PTPRK: variants seen among roughly 807,000 people sequenced by gnomAD.
PTPRK encodes protein tyrosine phosphatase receptor type K.
A neutral mutation model predicts 178.0 loss-of-function variants in PTPRK; 75 were observed. The observed-to-expected ratio is 0.42, with a 90% CI of 0.35 to 0.51. The LOEUF (loss-of-function observed/expected upper bound fraction) is 0.51, where lower values mean the gene tolerates loss of function less well. PTPRK is among the 20% of genes least tolerant of loss of function. The pLI is 0.02. For synonymous variants in PTPRK, 637 were observed against 620.6 expected, an observed-to-expected ratio of 1.03 and a Z score of -0.39; for missense variants, 1,441 against 1,797.8, an observed-to-expected ratio of 0.80 and a Z score of 3.59.
chr6:128,169,092 C>A (rs1411754020), intron 7 of PTPRK, among the ~76,000 whole-genome samples: 2 of 151,982 alleles, frequency 1.3e-5, no homozygotes, highest in Non-Finnish European at 2.9e-5. Context: ...ACAGGCTATA[C>A]ATTTGCAGTC....
chr6:128,351,200 T>C (rs1343279447), intron 2 of PTPRK, among the ~76,000 whole-genome samples: 3 of 152,278 alleles, frequency 2.0e-5, no homozygotes, highest in African/African-American at 7.2e-5. Context: ...AAATAAAAGG[T>C]GGCATTACTG....
chr6:127,987,667 C>T (rs1383890190), intron 21 of PTPRK, among the ~76,000 whole-genome samples: 3 of 152,102 alleles, frequency 2.0e-5, no homozygotes, highest in African/African-American at 7.2e-5. Context: ...TTTGTCTTTT[C>T]TAGTAGTTAC....
rs73582626 is a variant in PTPRK, at chr6:128,015,574, C to T, written c.2195-6306G>A. On this transcript the variant is annotated intron_variant, in intron 13 of 29. Coordinates refer to ENST00000368226, the MANE Select transcript of PTPRK (RefSeq NM_002844.4). ...GGATGAGTTTTCTAAAAGGTAAATGCGAAGAAATGACTTCACTGCTTTACA... is the reference window on the plus strand; with the variant it reads ...GGATGAGTTTTCTAAAAGGTAAATGTGAAGAAATGACTTCACTGCTTTACA... Among the ~76,000 whole-genome samples, 1,260 of 151,710 alleles carry T rather than the reference C, an allele frequency of 8.3e-3. 6 individuals carry two copies. Among genetic ancestry groups the T allele is most frequent in the Middle Eastern group, 0.014 (4 of 294 alleles).
chr6:128,268,437 T>C (rs938913722), intron 3 of PTPRK, among the ~76,000 whole-genome samples: 2 of 151,994 alleles, frequency 1.3e-5, no homozygotes, highest in African/African-American at 4.8e-5. Context: ...GAGAGAACCA[T>C]TAATTAAACT....
intron 13 of PTPRK, among the ~76,000 whole-genome samples, chr6:128,054,634 T>C (rs114632138): frequency 1.7e-3 from 256 of 151,850 alleles, no homozygotes; most frequent in African/African-American, 5.9e-3. Context: ...GACACAAGCA[T>C]TGCTCACTAC....
intron 6 of PTPRK, among the ~76,000 whole-genome samples, chr6:128,211,514 G>C (rs1808163049): frequency 6.6e-6 from 1 of 152,044 alleles, no homozygotes; most frequent in Admixed American, 6.6e-5. Context: ...AGCCGGTTTT[G>C]ATCGACACAT....
At chr6:127,984,091 T>C (rs997414856) in intron 22 of PTPRK, among the ~76,000 whole-genome samples, 4 of 152,206 alleles carry the variant, frequency 2.6e-5, no homozygotes, top group African/African-American at 7.2e-5. Context: ...AAAATACTTT[T>C]AAAAAATTAT....
intron 13 of PTPRK, among the ~76,000 whole-genome samples, chr6:128,048,255 G>A (rs1481509097): frequency 6.6e-6 from 1 of 152,154 alleles, no homozygotes. Context: ...CAGGCCCAGT[G>A]ATTTAGAAAC....
intron 2 of PTPRK, among the ~76,000 whole-genome samples, chr6:128,339,262 C>A (rs1831348304): frequency 6.6e-6 from 1 of 152,078 alleles, no homozygotes; most frequent in East Asian, 1.9e-4. Context: ...TATGTTATTT[C>A]AATAGTGATT....
chr6:128,200,594 T>C (rs1805718909), intron 6 of PTPRK, among the ~76,000 whole-genome samples: 2 of 151,162 alleles, frequency 1.3e-5, no homozygotes, highest in African/African-American at 4.9e-5. Flanking sequence ...AAATAGCCAG[T>C]GTGGTGGTGC....
At chr6:128,054,079 A>C (rs986561110) in intron 13 of PTPRK, among the ~76,000 whole-genome samples, 1 of 152,194 alleles carries the variant, frequency 6.6e-6, no homozygotes, top group Admixed American at 6.5e-5. Context: ...TTGCCTTTAC[A>C]ATGCAGTTTG....
Position 128,425,869 on chromosome 6 carries a change from C to CA in PTPRK, c.101-28182dup, listed in dbSNP as rs1844070279. Among the ~76,000 whole-genome samples, 3 of 152,082 alleles carry CA rather than the reference C, an allele frequency of 2.0e-5. No homozygotes were observed. In the South Asian group the frequency reaches 6.2e-4, roughly 32 times the overall value. ...GCTTACATTTCCCAATAAGCATCGG[C>CA]AAAAAATTGTTTCATAGCATTTCTA... On this transcript the variant is annotated intron_variant, in intron 1 of 29. Coordinates refer to ENST00000368226, the MANE Select transcript of PTPRK (RefSeq NM_002844.4).
chr6:127,974,048 T>G (rs1400799961), intron 27 of PTPRK, among the ~76,000 whole-genome samples: 1 of 152,204 alleles, frequency 6.6e-6, no homozygotes, highest in African/African-American at 2.4e-5. Flanking sequence ...GCACTATGTA[T>G]CCAGTAATTC....
At chr6:128,382,468 T>C (rs976578749) in intron 2 of PTPRK, among the ~76,000 whole-genome samples, 116 of 149,246 alleles carry the variant, frequency 7.8e-4, no homozygotes, top group African/African-American at 2.8e-3. Flanking sequence ...AGTGCAGTGG[T>C]GTGATCTCGG....
intron 6 of PTPRK, among the ~76,000 whole-genome samples, chr6:128,194,170 C>T (rs1376190462): frequency 6.6e-6 from 1 of 151,144 alleles, no homozygotes; most frequent in African/African-American, 2.4e-5. Flanking sequence ...ACTGCAAGCT[C>T]CACCTCCTGG....
chr6:128,077,710 C>A (rs999456840), intron 11 of PTPRK, among the ~76,000 whole-genome samples: 1 of 151,970 alleles, frequency 6.6e-6, no homozygotes, highest in African/African-American at 2.4e-5. Flanking sequence ...AAAATGTCCA[C>A]AAAATCACGT....
chr6:128,495,811 T>A (rs1854574517), intron 1 of PTPRK, among the ~76,000 whole-genome samples: 1 of 152,190 alleles, frequency 6.6e-6, no homozygotes, highest in Non-Finnish European at 1.5e-5. Flanking sequence ...CTCACCAGAC[T>A]CTCCTTCACG....
chr6:128,382,544 A>G (rs1838094335), intron 2 of PTPRK, among the ~76,000 whole-genome samples: 1 of 151,490 alleles, frequency 6.6e-6, no homozygotes, highest in African/African-American at 2.4e-5. Flanking sequence ...AGTAGCTGGG[A>G]TTACAGGCAC....
intron 1 of PTPRK, among the ~76,000 whole-genome samples, chr6:128,466,017 G>A (rs112526050): frequency 6.6e-5 from 10 of 152,248 alleles, no homozygotes; most frequent in Admixed American, 3.9e-4. Context: ...TAAACCCCAA[G>A]TGTGGACCCT....
Sources: allele counts gnomAD v4.1 joint callset (sites outside exome capture counted in the v4.1 genomes callset), GRCh38; gene constraint gnomAD v4.1.1; transcripts MANE v1.5; gene names NCBI Gene and HGNC (gene_info 2026-07-23, HGNC 2026-07-21).